WWOX: variants seen among roughly 807,000 people sequenced by gnomAD.
The protein encoded by WWOX is WW domain-containing oxidoreductase.
WWOX carries 69 observed loss-of-function variants against 46.2 expected under a neutral mutation model. That is an observed-to-expected ratio of 1.49 (90% CI 1.23 to 1.82). WWOX has a LOEUF of 1.82. WWOX is among the 40% of genes most tolerant of loss of function. The pLI, the probability that WWOX is intolerant of heterozygous loss-of-function variation, is 0.00. For synonymous variants in WWOX, 359 were observed against 202.6 expected, an observed-to-expected ratio of 1.77 and a Z score of -6.56; for missense variants, 919 against 542.6, an observed-to-expected ratio of 1.69 and a Z score of -6.89.
chr16:78,671,969 T>G (rs1054353643), intron 8 of WWOX, among the ~76,000 whole-genome samples: 1 of 152,168 alleles, frequency 6.6e-6, no homozygotes, highest in Non-Finnish European at 1.5e-5. Context: ...GGAAAAAATA[T>G]GATCCTTGGC....
At chr16:78,749,270 C>G (rs2049421725) in intron 8 of WWOX, among the ~76,000 whole-genome samples, 1 of 151,916 alleles carries the variant, frequency 6.6e-6, no homozygotes, top group African/African-American at 2.4e-5. Flanking sequence ...AATGAGGAAA[C>G]AGAGCTCGAG....
chr16:79,193,248 C>T (rs976723085), intron 8 of WWOX, among the ~76,000 whole-genome samples: 1 of 152,198 alleles, frequency 6.6e-6, no homozygotes, highest in Non-Finnish European at 1.5e-5. Context: ...GTTGCTTACC[C>T]TTGGGGGCCC....
chr16:78,606,041 C>T (rs2045748856), intron 8 of WWOX, among the ~76,000 whole-genome samples: 1 of 152,196 alleles, frequency 6.6e-6, no homozygotes, highest in Non-Finnish European at 1.5e-5. Flanking sequence ...TTAGGAGACA[C>T]ATTCTGCTAC....
At chr16:78,202,243 C>T (rs1000733953) in intron 5 of WWOX, among the ~76,000 whole-genome samples, 4 of 152,180 alleles carry the variant, frequency 2.6e-5, no homozygotes, top group African/African-American at 2.4e-5. Flanking sequence ...AGATTACTGA[C>T]GTGGAAGAGT....
intron 5 of WWOX, among the ~76,000 whole-genome samples, chr16:78,174,288 C>T (rs2035260034): frequency 6.6e-6 from 1 of 152,082 alleles, no homozygotes; most frequent in African/African-American, 2.4e-5. Context: ...GAGGAAGAAG[C>T]AAAAGCAGAA....
chr16:78,395,477 A>C (rs546990688), intron 6 of WWOX, among the ~76,000 whole-genome samples: 1 of 152,248 alleles, frequency 6.6e-6, no homozygotes, highest in Admixed American at 6.5e-5. Context: ...ATGCTACTGC[A>C]CTCCAGCCTG....
At chr16:79,079,667 T>C (rs2048724692) in intron 8 of WWOX, among the ~76,000 whole-genome samples, 1 of 152,226 alleles carries the variant, frequency 6.6e-6, no homozygotes, top group African/African-American at 2.4e-5. Context: ...ACCTCCTTCT[T>C]CTGTGGCATT....
intron 8 of WWOX, among the ~76,000 whole-genome samples, chr16:78,936,260 C>T (rs1278177751): frequency 6.6e-6 from 1 of 152,112 alleles, no homozygotes; most frequent in Non-Finnish European, 1.5e-5. Context: ...TACCTTTGAC[C>T]TGGGCCTTCA....
chr16:79,000,251 T>G (rs2047067510), intron 8 of WWOX, among the ~76,000 whole-genome samples: 1 of 152,152 alleles, frequency 6.6e-6, no homozygotes, highest in African/African-American at 2.4e-5. Context: ...TGGCAAATTC[T>G]CCTCCTTCCT....
intron 8 of WWOX, among the ~76,000 whole-genome samples, chr16:78,450,914 T>C (rs999629447): frequency 6.6e-6 from 1 of 152,202 alleles, no homozygotes; most frequent in Admixed American, 6.5e-5. Context: ...CAATACAATT[T>C]TCTTCTGCTT....
chr16:78,547,507 C>A (rs146020544), intron 8 of WWOX, among the ~76,000 whole-genome samples: 1 of 152,204 alleles, frequency 6.6e-6, no homozygotes, highest in East Asian at 1.9e-4. Flanking sequence ...ACAAGTGATT[C>A]TACTTCTCAT....
chr16:78,716,610 A>T (rs1170070827), intron 8 of WWOX, among the ~76,000 whole-genome samples: 2 of 151,966 alleles, frequency 1.3e-5, no homozygotes, highest in East Asian at 1.9e-4. Flanking sequence ...GTTCTGTGAT[A>T]ACCCTCATCT....
intron 5 of WWOX, among the ~76,000 whole-genome samples, chr16:78,323,385 G>A (rs556261167): frequency 2.0e-5 from 3 of 152,328 alleles, no homozygotes; most frequent in East Asian, 3.9e-4. Context: ...GATTACAGGC[G>A]TGAGCCACTG....
chr16:78,619,179 A>T (rs1315881522), intron 8 of WWOX, among the ~76,000 whole-genome samples: 1 of 20,084 alleles, frequency 5.0e-5, no homozygotes, highest in Non-Finnish European at 8.7e-5. Flanking sequence ...ATATATATAT[A>T]TATATATATA....
intron 8 of WWOX, among the ~76,000 whole-genome samples, chr16:78,514,446 G>A (rs762401415): frequency 9.8e-5 from 15 of 152,316 alleles, no homozygotes; most frequent in African/African-American, 3.6e-4. Context: ...CATTTTCCAT[G>A]TGTGGAGGTA....
chr16:78,392,440 C>T (rs1164009043), intron 6 of WWOX, among the ~76,000 whole-genome samples: 1 of 151,898 alleles, frequency 6.6e-6, no homozygotes, highest in Non-Finnish European at 1.5e-5. Flanking sequence ...ATAACTATTT[C>T]ATTATATATT....
intron 8 of WWOX, among the ~76,000 whole-genome samples, chr16:78,536,266 T>G: frequency 6.6e-6 from 1 of 152,070 alleles, no homozygotes; most frequent in East Asian, 1.9e-4. Context: ...TCATGTAGAT[T>G]TTAACCAAAG....
At chr16:78,920,539 G>C (rs555180441) in intron 8 of WWOX, among the ~76,000 whole-genome samples, 3 of 152,170 alleles carry the variant, frequency 2.0e-5, no homozygotes, top group Non-Finnish European at 2.9e-5. Flanking sequence ...GTAGAAAGCA[G>C]TTATTGTTTC....
At chr16:78,998,758 C>T (rs540984953) in intron 8 of WWOX, among the ~76,000 whole-genome samples, 1 of 152,324 alleles carries the variant, frequency 6.6e-6, no homozygotes, top group East Asian at 1.9e-4. Context: ...ACAAGCGTTG[C>T]TTCTATTGAA....
Sources: allele counts gnomAD v4.1 joint callset (sites outside exome capture counted in the v4.1 genomes callset), GRCh38; gene constraint gnomAD v4.1.1; transcripts MANE v1.5; gene names NCBI Gene and HGNC (gene_info 2026-07-23, HGNC 2026-07-21).